Variants in CDCA2 observed in about 807,000 individuals in gnomAD.
The protein encoded by CDCA2 is cell division cycle-associated protein 2.
A neutral mutation model predicts 67.0 loss-of-function variants in CDCA2; 44 were observed. The observed-to-expected ratio is 0.66, with a 90% CI of 0.52 to 0.84. The LOEUF is 0.84. Among genes scored for constraint, CDCA2 ranks in the 40% least tolerant of loss-of-function variants. CDCA2 has a pLI of 0.00. For synonymous variants in CDCA2, 447 were observed against 418.7 expected (o/e 1.07, Z -0.82); for missense variants, 1,253 against 1,203.2 (o/e 1.04, Z -0.61).
At chr8:25,461,892 C>T (rs1350473107) in intron 3 of CDCA2, among the ~76,000 whole-genome samples, 162 bp from the exon 4 acceptor site, 1 of 152,192 alleles carries the variant, frequency 6.6e-6, no homozygotes, top group Non-Finnish European at 1.5e-5. Flanking sequence ...ATTCCTCTTC[C>T]ACTGATTGTA....
At chr8:25,493,094 T>C (rs1018805550) in intron 13 of CDCA2, among the ~76,000 whole-genome samples, 5 of 152,208 alleles carry the variant, frequency 3.3e-5, no homozygotes, top group African/African-American at 1.2e-4. Flanking sequence ...CATAGTAAGC[T>C]TTGTGGTCAT....
At position 25,459,328 on chromosome 8, in the gene CDCA2, C is replaced by T. The variant is rs535180637; in HGVS notation, c.-146C>T. On this transcript the variant is annotated 5_prime_UTR_variant, in exon 1 of 15. Coordinates refer to ENST00000330560, the MANE Select transcript of CDCA2 (RefSeq NM_152562.4). The stretch of plus-strand genomic sequence containing the variant: ...CTCGGGCTCCGGGTTCGAAGAGCGG[C>T]TCCCGGCTGCGGGTGCTTTGCCAGG... The T allele has an allele frequency of 6.6e-6, 1 of 152,454 alleles. No individual in the cohort carries two copies. Among genetic ancestry groups the T allele is most frequent in the South Asian group, 2.1e-4 (1 of 4,836 alleles). The allele number at this position is 152,454 out of a possible 1,614,324, so 9.4% of individuals were successfully genotyped here.
intron 14 of CDCA2, among the ~76,000 whole-genome samples, chr8:25,505,720 T>G (rs1804650489): frequency 1.3e-5 from 2 of 152,218 alleles, no homozygotes; most frequent in African/African-American, 4.8e-5. Context: ...CTTTATTCAT[T>G]TGACTGGCCA....
At chr8:25,499,053 A>G (rs1277194539) in intron 13 of CDCA2, among the ~76,000 whole-genome samples, 1 of 152,128 alleles carries the variant, frequency 6.6e-6, no homozygotes, top group African/African-American at 2.4e-5. Flanking sequence ...CATGATTTCT[A>G]TGTGCTAGTA....
chr8:25,485,279 G>T (rs1278119714), intron 10 of CDCA2, among the ~76,000 whole-genome samples: 1 of 151,428 alleles, frequency 6.6e-6, no homozygotes, highest in Non-Finnish European at 1.5e-5. Flanking sequence ...GAGCAAAATG[G>T]TAATAAAAGA....
rs748600949 is a variant in CDCA2 at position 25,468,265 on chromosome 8, T to C, written c.587T>C (p.Val196Ala). ...TGCCAGCAGTCTGGGTTCCCTGCAGTGTTGTCCTCCAAACGTCGGAGAATA... is the reference window on the plus strand; with the variant it reads ...TGCCAGCAGTCTGGGTTCCCTGCAGCGTTGTCCTCCAAACGTCGGAGAATA... ...SACQQSGFPAVLSSKRRRISY... is the reference protein window; with the variant it reads ...SACQQSGFPAALSSKRRRISY... Residue 196 changes from valine (V) to alanine (A), a missense_variant, in exon 6 of 15, where the codon GTG becomes GCG. Coordinates refer to ENST00000330560, the MANE Select transcript of CDCA2 (RefSeq NM_152562.4). 1.2e-6 allele frequency: 2 copies of C among 1,613,454 alleles called. No homozygotes were observed. The highest frequency in any genetic ancestry group is 1.7e-6 in the Non-Finnish European group (2 of 1,179,688).
At chr8:25,491,422 A>T (rs1035822588) in intron 13 of CDCA2, among the ~76,000 whole-genome samples, 2 of 152,204 alleles carry the variant, frequency 1.3e-5, no homozygotes, top group African/African-American at 2.4e-5. Flanking sequence ...AACAATAAGG[A>T]TAATGAGGAA....
intron 13 of CDCA2, among the ~76,000 whole-genome samples, chr8:25,492,600 C>T (rs922717370): frequency 4.6e-5 from 7 of 152,022 alleles, no homozygotes; most frequent in African/African-American, 1.7e-4. Flanking sequence ...AGCAATAATG[C>T]AGTATAAGGA....
Position 25,507,632 on chromosome 8 carries a change from C to T in CDCA2, c.2966C>T (p.Thr989Ile), listed in dbSNP as rs1463113093. ...TCTACACTTGCAAATACTAAAGCCA[C>T]TTCCCAGTTCAAAGGCTACCGGAGA... ...CISTLANTKA[T>I]SQFKGYRRRS... The change falls in exon 15 of 15, where the codon ACT (threonine) becomes ATT (isoleucine). Residue 989 changes from threonine to isoleucine, a missense_variant. Physicochemically the swap from Thr to Ile is moderately conservative, Grantham distance 89. Coordinates refer to ENST00000330560, the MANE Select transcript of CDCA2 (RefSeq NM_152562.4). The T allele has an allele frequency of 3.7e-6, 6 of 1,614,174 alleles. No homozygotes were observed. Among genetic ancestry groups the T allele is most frequent in the African/African-American group, 1.3e-5 (1 of 75,042 alleles).
chr8:25,507,093 G>A lies in CDCA2; in HGVS notation c.2427G>A (p.Glu809=), dbSNP rs1440171981. The A allele has an allele frequency of 1.9e-6, 3 of 1,614,148 alleles. No homozygotes were observed. The Admixed American group carries it at 5.0e-5, about 27-fold the overall frequency. Residue 809 remains glutamate, a synonymous_variant, in exon 15 of 15, where the codon GAG becomes GAA. Transcript: ENST00000330560. ...ENTKESKSQS[E]DLGRKPMESS... ...CGAAAGAATCTAAAAGCCAGAGTGA[G>A]GATTTGGGAAGAAAACCCATGGAAA...
chr8:25,482,416 A>T (rs1031247241), intron 8 of CDCA2, among the ~76,000 whole-genome samples: 6 of 152,214 alleles, frequency 3.9e-5, no homozygotes, highest in African/African-American at 1.4e-4. Context: ...CATATATGGT[A>T]CTTGTAACCT....
intron 13 of CDCA2, among the ~76,000 whole-genome samples, chr8:25,498,453 A>ACCCCCCCCCACCC (rs1804328932): frequency 1.3e-5 from 1 of 76,612 alleles, no homozygotes; most frequent in African/African-American, 4.4e-5. Flanking sequence ...GGTAATCTGC[A>ACCCCCCCCCACCC]CCCCCCCCCC....
intron 5 of CDCA2, among the ~76,000 whole-genome samples, chr8:25,467,294 C>T (rs1026121977): frequency 6.6e-6 from 1 of 152,024 alleles, no homozygotes; most frequent in East Asian, 1.9e-4. Flanking sequence ...AATTCTTGAA[C>T]CATCTTTAAG....
At chr8:25,480,375 G>T (rs548980230) in intron 8 of CDCA2, among the ~76,000 whole-genome samples, 4 of 151,890 alleles carry the variant, frequency 2.6e-5, no homozygotes, top group African/African-American at 9.7e-5. Context: ...TTTATAAAGG[G>T]TCATAATCTT....
chr8:25,468,556 T>TGC lies in CDCA2; in HGVS notation c.735+145_735+146dup, dbSNP rs1554520609. The TGC allele has an allele frequency of 2.7e-4, 131 of 494,156 alleles. 1 individual carries two copies. Among genetic ancestry groups the TGC allele is most frequent in the African/African-American group, 2.4e-3 (120 of 50,674 alleles). The allele number at this position is 494,156 out of a possible 1,614,324, so 30.6% of individuals were successfully genotyped here. A position where few individuals can be genotyped will look rare whatever the true frequency, so the allele number is the denominator to read the frequency against. On this transcript the variant is annotated intron_variant, in intron 6 of 14. Coordinates refer to ENST00000330560, the MANE Select transcript of CDCA2 (RefSeq NM_152562.4). ...GGGTGTGTGTGTGTGTGTGTGTGTG[T>TGC]GCGTGTGTGTGTGTGTGTTTCCTAC...
chr8:25,506,645 G>A lies in CDCA2; in HGVS notation c.1979G>A (p.Cys660Tyr). ...GYDKYDVSEF[C>Y]SYIKSSSSLG... ...GATAAATATGATGTCTCTGAATTCT[G>A]CTCTTATATAAAAAGTTCCTCATCG... The change falls in exon 15 of 15, where the codon TGC (cysteine) becomes TAC (tyrosine). Residue 660 changes from cysteine to tyrosine, a missense_variant. Cys to Tyr is a radical substitution (Grantham distance 194). Transcript: ENST00000330560. The A allele has an allele frequency of 6.2e-7, 1 of 1,613,494 alleles. No homozygotes were observed. Among genetic ancestry groups the A allele is most frequent in the Non-Finnish European group, 8.5e-7 (1 of 1,179,912 alleles).
intron 4 of CDCA2, among the ~76,000 whole-genome samples, chr8:25,463,636 T>G (rs1389374869): frequency 1.3e-5 from 2 of 151,738 alleles, no homozygotes; most frequent in Non-Finnish European, 2.9e-5. Context: ...GTTGTACGTG[T>G]GTTGTGCTGG....
At chr8:25,468,554 T>TGTGTGTGC (rs140233192) in intron 6 of CDCA2, 141 bp downstream of exon 6, 70 of 495,508 alleles carry the variant, frequency 1.4e-4, no homozygotes, top group African/African-American at 6.8e-4. Context: ...TGTGTGTGTG[T>TGTGTGTGC]GTGCGTGTGT....
chr8:25,483,851 G>T, intron 9 of CDCA2, 115 bp from the exon 10 acceptor site: 1 of 904,634 alleles, frequency 1.1e-6, no homozygotes, highest in Non-Finnish European at 1.6e-6. Flanking sequence ...TGCTTTACTA[G>T]CTATTATACA....
Sources: gnomAD v4.1 joint callset for allele counts (sites outside exome capture counted in the v4.1 genomes callset) on GRCh38, gnomAD v4.1.1 for gene constraint, MANE v1.5 for transcripts, NCBI Gene and HGNC (gene_info 2026-07-23, HGNC 2026-07-21) for gene names.